MAP3K5: variants seen among roughly 807,000 people sequenced by gnomAD.
MAP3K5 encodes mitogen-activated protein kinase kinase kinase 5, also known as ASK-1.
A neutral mutation model predicts 158.7 loss-of-function variants in MAP3K5; 56 were observed. The ratio of observed to expected loss-of-function variants is 0.35; its 90% CI spans 0.28 to 0.44. The LOEUF (loss-of-function observed/expected upper bound fraction) is 0.44. Among genes scored for constraint, MAP3K5 ranks in the 20% least tolerant of loss-of-function variants. The pLI, the probability that MAP3K5 is intolerant of heterozygous loss-of-function variation, is 1.00. For synonymous variants in MAP3K5, 579 were observed against 601.7 expected, an observed-to-expected ratio of 0.96 and a Z score of 0.55; for missense variants, 1,294 against 1,674.8, an observed-to-expected ratio of 0.77 and a Z score of 3.97.
intron 3 of MAP3K5, among the ~76,000 whole-genome samples, chr6:136,701,266 C>A (rs2114689739): frequency 6.6e-6 from 1 of 152,282 alleles, no homozygotes; most frequent in African/African-American, 2.4e-5. Flanking sequence ...TCTGTATGAG[C>A]CAAATGACTA....
Position 136,792,040 on chromosome 6 carries a change from C to T in MAP3K5, c.118G>A (p.Glu40Lys), listed in dbSNP as rs1046733952. 4.5e-6 allele frequency: 7 copies of T among 1,548,054 alleles called. No homozygotes were observed. In the African/African-American group the frequency reaches 6.9e-5, roughly 15 times the overall value. Residue 40 changes from glutamate to lysine, a missense_variant, in exon 1 of 30, where the codon GAG becomes AAG. This residue lies in a region of MAP3K5 where 690 missense variants were observed against 870.5 expected (regional missense o/e 0.79). Transcript: ENST00000359015. This position sits in a 1 kb window ranked among gnomAD's most constrained non-coding sequence, Gnocchi z 5.7. ...GGTGGCAGCTGGTGCTCCTCGCCCT[C>T]GCCCACCGCCGCCGCTCCTCCCCTC... ...CRRGGAAAVGEGEEHQLPPPP... is the reference protein window; with the variant it reads ...CRRGGAAAVGKGEEHQLPPPP...
chr6:136,725,596 A>C (rs1359749789), intron 1 of MAP3K5, among the ~76,000 whole-genome samples: 1 of 152,102 alleles, frequency 6.6e-6, no homozygotes, highest in Non-Finnish European at 1.5e-5. Context: ...ATATTTTCTG[A>C]ATATTGTTCC....
intron 1 of MAP3K5, among the ~76,000 whole-genome samples, chr6:136,782,772 A>AGACAGG (rs1784671870): frequency 6.6e-6 from 1 of 152,212 alleles, no homozygotes; most frequent in Admixed American, 6.5e-5. Context: ...TGTCTCCCCT[A>AGACAGG]AGAAAATTAT....
At position 136,583,615 on chromosome 6, in the gene MAP3K5, C is replaced by T; in HGVS notation, c.3351G>A (p.Leu1117=). Residue 1117 remains leucine (L), a synonymous_variant, in exon 24 of 30, where the codon CTG becomes CTA. Transcript: ENST00000359015. ...GGCTAATGCCATGGCTGTCGAAGTC[C>T]AGCTCCAGTTTCAGCTTTGACAGTG... The part of the protein sequence containing the change: ...ATTLSKLKLE[L]DFDSHGISQV... 1 of 1,614,192 alleles carries T rather than the reference C, an allele frequency of 6.2e-7. No homozygotes were observed. The highest frequency in any genetic ancestry group is 8.5e-7 in the Non-Finnish European group (1 of 1,180,036).
intron 7 of MAP3K5, among the ~76,000 whole-genome samples, chr6:136,682,544 G>A (rs530167104): frequency 3.3e-5 from 5 of 152,254 alleles, no homozygotes; most frequent in African/African-American, 7.2e-5. Flanking sequence ...TGTCACTGAC[G>A]TAAAAGAAAA....
At chr6:136,693,022 A>C (rs2114651389) in intron 7 of MAP3K5, among the ~76,000 whole-genome samples, 1 of 152,256 alleles carries the variant, frequency 6.6e-6, no homozygotes, top group Admixed American at 6.5e-5. Flanking sequence ...TTATTCTAAA[A>C]ATATTTTTCT....
intron 14 of MAP3K5, among the ~76,000 whole-genome samples, chr6:136,634,384 AC>A (rs1022037726): frequency 2.6e-5 from 4 of 152,114 alleles, no homozygotes; most frequent in Admixed American, 6.5e-5. Context: ...AAGAACACCC[AC>A]AAAAAACATC....
At chr6:136,644,202 T>G (rs901982348) in intron 11 of MAP3K5, among the ~76,000 whole-genome samples, 1 of 152,206 alleles carries the variant, frequency 6.6e-6, no homozygotes, top group Admixed American at 6.5e-5. Context: ...ATTTCCAGAA[T>G]GCTTGGTTCC....
intron 14 of MAP3K5, 126 bp downstream of exon 14, chr6:136,637,199 T>C: frequency 8.0e-7 from 1 of 1,256,430 alleles, no homozygotes; most frequent in Non-Finnish European, 1.1e-6. Flanking sequence ...AAGTTGCTTT[T>C]AACACTAAAG....
At chr6:136,694,979 A>G (rs1780540009) in intron 6 of MAP3K5, among the ~76,000 whole-genome samples, 1 of 152,144 alleles carries the variant, frequency 6.6e-6, no homozygotes, top group African/African-American at 2.4e-5. Context: ...TTTATATGAA[A>G]TGTCCAGAAT....
intron 2 of MAP3K5, among the ~76,000 whole-genome samples, chr6:136,718,963 C>T (rs944116763): frequency 3.9e-5 from 6 of 152,066 alleles, no homozygotes; most frequent in African/African-American, 1.4e-4. Context: ...ATCGCTTGAA[C>T]CCAGGAGTTC....
Position 136,688,137 on chromosome 6 carries a change from G to T in MAP3K5, c.1253+6003C>A, listed in dbSNP as rs530469990. 2.0e-5 allele frequency among the ~76,000 whole-genome samples: 3 copies of T among 152,290 alleles called. No homozygotes were observed. In the South Asian group the frequency reaches 6.2e-4, roughly 32 times the overall value. On this transcript the variant is annotated intron_variant, in intron 7 of 29. Transcript: ENST00000359015. ...CTTTGCAGGTACATGGATGAAGCTGGAAACCATAATTCTCAGCAAACTAAC... is the reference window on the plus strand; with the variant it reads ...CTTTGCAGGTACATGGATGAAGCTGTAAACCATAATTCTCAGCAAACTAAC...
At chr6:136,694,650 T>C (rs1780525690) in intron 6 of MAP3K5, among the ~76,000 whole-genome samples, 1 of 152,192 alleles carries the variant, frequency 6.6e-6, no homozygotes, top group African/African-American at 2.4e-5. Context: ...TCTGTGTCTT[T>C]GAATAGGGTA....
In MAP3K5 at chr6:136,655,304, T is replaced by G. The variant is rs568189042; in HGVS notation, c.1680+1003A>C. Among the ~76,000 whole-genome samples the G allele has an allele frequency of 2.2e-4, 34 of 152,308 alleles. No individual in the cohort carries two copies. The South Asian group carries it at 6.8e-3, about 31-fold the overall frequency. Reference sequence around the variant, plus strand: ...GGCAAGCTGCCAGCTCATTCTAAGGTAAGTATTTTCCTAGGCTACACATTA... The same window carrying G: ...GGCAAGCTGCCAGCTCATTCTAAGGGAAGTATTTTCCTAGGCTACACATTA... On this transcript the variant is annotated intron_variant, in intron 10 of 29. Coordinates refer to ENST00000359015, the MANE Select transcript of MAP3K5 (RefSeq NM_005923.4).
chr6:136,566,473 T>G (rs1774115524), intron 26 of MAP3K5, among the ~76,000 whole-genome samples: 1 of 152,152 alleles, frequency 6.6e-6, no homozygotes, highest in South Asian at 2.1e-4. Flanking sequence ...GTGACTAACA[T>G]GGACACCTTC....
rs182995595 is a variant in MAP3K5, at chr6:136,683,488, T to C, written c.1253+10652A>G. Among the ~76,000 whole-genome samples, 535 of 152,324 alleles carry C rather than the reference T, an allele frequency of 3.5e-3. 1 individual carries two copies. Among genetic ancestry groups the C allele is most frequent in the African/African-American group, 0.012 (487 of 41,582 alleles). Reference sequence around the variant, plus strand: ...AGAAAAAGGACCTGACTGATGTCTTTCAGCTGCTGGTTCAACCTGCACTTG... The same window carrying C: ...AGAAAAAGGACCTGACTGATGTCTTCCAGCTGCTGGTTCAACCTGCACTTG... On this transcript the variant is annotated intron_variant, in intron 7 of 29. Coordinates refer to ENST00000359015, the MANE Select transcript of MAP3K5 (RefSeq NM_005923.4).
In MAP3K5 at chr6:136,773,793, G is replaced by A. The variant is rs183509727; in HGVS notation, c.448+17917C>T. Among the ~76,000 whole-genome samples, 37 of 152,128 alleles carry A rather than the reference G, an allele frequency of 2.4e-4. No homozygotes were observed. The East Asian group carries it at 5.2e-3, about 21-fold the overall frequency. ...CTCCCAAGTAACTGGGACCACAGGCGGGTGCCACCACACCCAGCTAATTTT... is the reference window on the plus strand; with the variant it reads ...CTCCCAAGTAACTGGGACCACAGGCAGGTGCCACCACACCCAGCTAATTTT... On this transcript the variant is annotated intron_variant, in intron 1 of 29. Coordinates refer to ENST00000359015, the MANE Select transcript of MAP3K5 (RefSeq NM_005923.4).
chr6:136,632,501 AGTGAG>A (rs2129102403), intron 14 of MAP3K5, among the ~76,000 whole-genome samples: 1 of 152,328 alleles, frequency 6.6e-6, no homozygotes, highest in African/African-American at 2.4e-5. Flanking sequence ...TGGGTGACAG[AGTGAG>A]ACTCTGTATC....
intron 8 of MAP3K5, among the ~76,000 whole-genome samples, chr6:136,659,735 G>T (rs1319758285): frequency 6.6e-6 from 1 of 151,840 alleles, no homozygotes; most frequent in African/African-American, 2.4e-5. Flanking sequence ...AATGAGGACT[G>T]ATAGTTTAAC....
Sources: allele counts gnomAD v4.1 joint callset (sites outside exome capture counted in the v4.1 genomes callset), GRCh38; gene constraint gnomAD v4.1.1; regional missense constraint gnomAD v4.1.1; non-coding constraint Gnocchi (gnomAD v3.1); transcripts MANE v1.5; gene names NCBI Gene and HGNC (gene_info 2026-07-23, HGNC 2026-07-21).